Variants in FMN2 observed in about 807,000 individuals in gnomAD.
FMN2 encodes formin-2.
Under a neutral mutation model 142.3 loss-of-function variants are expected in FMN2, and 51 were observed. The observed-to-expected ratio is 0.36, with a 90% CI of 0.29 to 0.45. FMN2 has a LOEUF of 0.45. Among genes scored for constraint, FMN2 ranks in the 20% least tolerant of loss-of-function variants. FMN2 has a pLI of 1.00. For synonymous variants in FMN2, 882 were observed against 869.8 expected (o/e 1.01, Z -0.25); for missense variants, 1,936 against 2,122.8 (o/e 0.91, Z 1.73).
At chr1:240,373,100 C>T (rs1478808886) in intron 14 of FMN2, among the ~76,000 whole-genome samples, 1 of 152,112 alleles carries the variant, frequency 6.6e-6, no homozygotes, top group Non-Finnish European at 1.5e-5. Flanking sequence ...AGGAGAATCG[C>T]TTGAACCCAG....
chr1:240,162,813 C>T (rs1393142265), intron 2 of FMN2, among the ~76,000 whole-genome samples: 1 of 152,050 alleles, frequency 6.6e-6, no homozygotes, highest in Non-Finnish European at 1.5e-5. Flanking sequence ...CTTTTTCTCT[C>T]CTAAATTCTT....
In FMN2 at chr1:240,329,396, G is replaced by GTTCCA; in HGVS notation, c.4366_4370dup (p.Gln1457HisfsTer27). The GTTCCA allele has an allele frequency of 6.2e-7, 1 of 1,614,056 alleles. No homozygotes were observed. The highest frequency in any genetic ancestry group is 8.5e-7 in the Non-Finnish European group (1 of 1,179,974). ...TTTCAGAGCGAGTCTTTTGCATCCT[G>GTTCCA]TTCCAGTCCACATTTTCAGAAAGCA... On this transcript the variant is annotated frameshift_variant, in exon 10 of 18. Transcript: ENST00000319653. LOFTEE classifies it high-confidence loss of function.
At position 240,189,487 on chromosome 1, in the gene FMN2, T is replaced by C. The variant is rs377344431; in HGVS notation, c.1986+1225T>C. Among the ~76,000 whole-genome samples, 180 of 152,346 alleles carry C rather than the reference T, an allele frequency of 1.2e-3. 4 individuals carry two copies. The South Asian group carries it at 0.027, about 23-fold the overall frequency. Reference sequence around the variant, plus strand: ...GTAAAATTAAATTATTGCTGATCTCTGATAACTCATCAAATAAAGTAACTT... The same window carrying C: ...GTAAAATTAAATTATTGCTGATCTCCGATAACTCATCAAATAAAGTAACTT... On this transcript the variant is annotated intron_variant, in intron 4 of 17. Coordinates refer to ENST00000319653, the MANE Select transcript of FMN2 (RefSeq NM_020066.5).
At chr1:240,378,299 C>T (rs1558461382) in intron 14 of FMN2, among the ~76,000 whole-genome samples, 1 of 151,856 alleles carries the variant, frequency 6.6e-6, no homozygotes, top group African/African-American at 2.4e-5. Flanking sequence ...TACAGGTGCC[C>T]ACCACCACAC....
intron 2 of FMN2, among the ~76,000 whole-genome samples, chr1:240,174,351 CTTCTT>C (rs1022383856): frequency 2.0e-5 from 3 of 151,864 alleles, no homozygotes; most frequent in African/African-American, 7.3e-5. Flanking sequence ...ATTTCAGAAA[CTTCTT>C]TTCTTTCTGT....
chr1:240,260,128 C>T (rs1668578079), intron 7 of FMN2, among the ~76,000 whole-genome samples: 1 of 152,044 alleles, frequency 6.6e-6, no homozygotes, highest in African/African-American at 2.4e-5. Flanking sequence ...TGGAATATGC[C>T]ACAATTCTTT....
chr1:240,136,524 A>G (rs1340996061), intron 2 of FMN2, among the ~76,000 whole-genome samples: 1 of 152,208 alleles, frequency 6.6e-6, no homozygotes, highest in Non-Finnish European at 1.5e-5. Context: ...TGTTTTAGAT[A>G]TCCATTTTGA....
intron 5 of FMN2, among the ~76,000 whole-genome samples, chr1:240,209,131 A>C (rs1666574590): frequency 6.6e-6 from 1 of 152,212 alleles, no homozygotes; most frequent in Admixed American, 6.5e-5. Context: ...GAGGGCAGGT[A>C]AGCAGAGACA....
At chr1:240,320,677 G>T (rs1670942174) in intron 8 of FMN2, among the ~76,000 whole-genome samples, 1 of 152,140 alleles carries the variant, frequency 6.6e-6, no homozygotes, top group South Asian at 2.1e-4. Flanking sequence ...GGGGGTGGGT[G>T]GTTGAGAATT....
intron 15 of FMN2, among the ~76,000 whole-genome samples, chr1:240,423,262 G>GA (rs1480128392): frequency 6.6e-6 from 1 of 152,164 alleles, no homozygotes; most frequent in Non-Finnish European, 1.5e-5. Context: ...GAGGGTGGGG[G>GA]AAGGAGGTGG....
intron 6 of FMN2, among the ~76,000 whole-genome samples, chr1:240,234,811 T>C (rs1667647444): frequency 6.6e-6 from 1 of 152,188 alleles, no homozygotes. Context: ...CTTACTTTAT[T>C]TCTCCAGTTA....
intron 1 of FMN2, among the ~76,000 whole-genome samples, chr1:240,105,145 G>A (rs1661560607): frequency 8.9e-6 from 1 of 111,904 alleles, no homozygotes; most frequent in Admixed American, 1.4e-4. Flanking sequence ...GTCTCACTCT[G>A]TCGCCCAGGC....
intron 2 of FMN2, among the ~76,000 whole-genome samples, chr1:240,136,173 G>A (rs1662931060): frequency 1.3e-5 from 2 of 151,956 alleles, no homozygotes; most frequent in Admixed American, 6.6e-5. Context: ...TTCTGATCCG[G>A]TACGTGATTT....
intron 14 of FMN2, among the ~76,000 whole-genome samples, chr1:240,368,167 A>G (rs1488256224): frequency 1.3e-5 from 2 of 152,200 alleles, no homozygotes; most frequent in African/African-American, 2.4e-5. Context: ...TTGAAATGTG[A>G]AAAGGCTAGA....
intron 8 of FMN2, among the ~76,000 whole-genome samples, chr1:240,315,419 A>G (rs1192799852): frequency 6.6e-6 from 1 of 152,218 alleles, no homozygotes; most frequent in East Asian, 1.9e-4. Flanking sequence ...TTAACTGGGC[A>G]ATAAATTTAT....
At chr1:240,328,833 C>T (rs1029418852) in intron 8 of FMN2, among the ~76,000 whole-genome samples, 8 of 152,124 alleles carry the variant, frequency 5.3e-5, no homozygotes, top group African/African-American at 9.7e-5. Context: ...TCAGGTGATC[C>T]GCCCGCCTTG....
At chr1:240,368,297 G>A (rs1672749923) in intron 14 of FMN2, among the ~76,000 whole-genome samples, 1 of 152,086 alleles carries the variant, frequency 6.6e-6, no homozygotes, top group Non-Finnish European at 1.5e-5. Flanking sequence ...AATTACACAG[G>A]CTATAGATCA....
chr1:240,337,207 T>TCTTTC (rs1431708516), intron 13 of FMN2, among the ~76,000 whole-genome samples: 1 of 103,946 alleles, frequency 9.6e-6, no homozygotes, highest in Non-Finnish European at 2.0e-5. Flanking sequence ...CCTTTTCTTT[T>TCTTTC]TTTTTTTTTT....
intron 13 of FMN2, among the ~76,000 whole-genome samples, chr1:240,347,220 A>G (rs770326660): frequency 1.3e-5 from 2 of 152,254 alleles, no homozygotes; most frequent in African/African-American, 2.4e-5. Context: ...GCTGAGGAAA[A>G]TGTGGAAAGC....
Sources: allele counts gnomAD v4.1 joint callset (sites outside exome capture counted in the v4.1 genomes callset), GRCh38; gene constraint gnomAD v4.1.1; transcripts MANE v1.5; gene names NCBI Gene and HGNC (gene_info 2026-07-23, HGNC 2026-07-21).